Variants in NAALADL2 observed in about 807,000 individuals in gnomAD.
NAALADL2 encodes the protein N-acetylated alpha-linked acidic dipeptidase like 2.
A neutral mutation model predicts 87.2 loss-of-function variants in NAALADL2; 76 were observed. The observed-to-expected ratio is 0.87, with a 90% CI of 0.72 to 1.05. The LOEUF is 1.05. Ranked by LOEUF, NAALADL2 falls within the 50% of genes least tolerant of loss-of-function variation. The pLI is 0.00. For missense variants in NAALADL2, 1,089 were observed against 945.8 expected (o/e 1.15, Z -1.99); for synonymous variants, 354 against 331.0 (o/e 1.07, Z -0.75).
chr3:174,583,833 C>G (rs9856191), intron 2 of NAALADL2, among the ~76,000 whole-genome samples: 66,211 of 151,872 alleles, frequency 0.44, 15,362 homozygotes, highest in East Asian at 0.81. Context: ...TTACAAAAAG[C>G]GGAATAATTT....
At chr3:175,531,158 C>T (rs1437642066) in intron 9 of NAALADL2, among the ~76,000 whole-genome samples, 4 of 152,104 alleles carry the variant, frequency 2.6e-5, no homozygotes, top group Non-Finnish European at 5.9e-5. Flanking sequence ...TTCTCCTGTT[C>T]TGGACCACAC....
At chr3:174,542,930 G>A (rs1722372539) in intron 1 of NAALADL2, among the ~76,000 whole-genome samples, 1 of 152,186 alleles carries the variant, frequency 6.6e-6, no homozygotes, top group African/African-American at 2.4e-5. Context: ...TTCAGAGAGG[G>A]CATTTTAGAG....
chr3:174,919,474 T>C (rs1050354571), intron 1 of NAALADL2, among the ~76,000 whole-genome samples: 7 of 152,186 alleles, frequency 4.6e-5, no homozygotes, highest in Non-Finnish European at 8.8e-5. Context: ...CATCCATAAA[T>C]AACAACTTCT....
intron 1 of NAALADL2, among the ~76,000 whole-genome samples, chr3:174,526,243 A>G (rs768959182): frequency 1.3e-5 from 2 of 152,164 alleles, no homozygotes; most frequent in African/African-American, 2.4e-5. Context: ...AGTGTAGGGC[A>G]TACTGGCAAT....
chr3:174,885,447 G>T (rs1031234536), intron 1 of NAALADL2, among the ~76,000 whole-genome samples: 2 of 152,058 alleles, frequency 1.3e-5, no homozygotes, highest in African/African-American at 4.8e-5. Context: ...ATGTTCCTTG[G>T]TTCTCCACAT....
intron 1 of NAALADL2, among the ~76,000 whole-genome samples, chr3:174,545,334 T>G (rs1284120608): frequency 6.6e-6 from 1 of 152,234 alleles, no homozygotes; most frequent in Non-Finnish European, 1.5e-5. Context: ...ACTGTCGTCC[T>G]GGAACTTTTC....
At chr3:175,573,083 T>TA (rs1553924637) in intron 9 of NAALADL2, among the ~76,000 whole-genome samples, 2 of 152,176 alleles carry the variant, frequency 1.3e-5, no homozygotes, top group Admixed American at 6.5e-5. Flanking sequence ...GTTTATTTTT[T>TA]AAAAAATAAT....
At chr3:174,728,242 G>A (rs894351055) in intron 2 of NAALADL2, among the ~76,000 whole-genome samples, 10 of 152,004 alleles carry the variant, frequency 6.6e-5, no homozygotes, top group Non-Finnish European at 1.0e-4. Context: ...CAAGGAGCAT[G>A]ATTTCTGGAT....
intron 3 of NAALADL2, among the ~76,000 whole-genome samples, chr3:174,842,329 G>A (rs1471831797): frequency 6.6e-6 from 1 of 152,086 alleles, no homozygotes; most frequent in African/African-American, 2.4e-5. Flanking sequence ...GAGATTATAG[G>A]TGTGAGCCAC....
intron 2 of NAALADL2, among the ~76,000 whole-genome samples, chr3:175,144,066 G>T (rs577001077): frequency 1.3e-5 from 2 of 151,798 alleles, no homozygotes; most frequent in Non-Finnish European, 2.9e-5. Flanking sequence ...TAATTTAAAA[G>T]AATAATAAAA....
At chr3:174,566,557 T>A (rs1714290553) in intron 2 of NAALADL2, among the ~76,000 whole-genome samples, 2 of 151,778 alleles carry the variant, frequency 1.3e-5, no homozygotes, top group South Asian at 4.1e-4. Context: ...ATAGACTGTT[T>A]TTCCTTTTTT....
chr3:175,051,961 A>T (rs1580201080), intron 1 of NAALADL2, among the ~76,000 whole-genome samples: 1 of 152,120 alleles, frequency 6.6e-6, no homozygotes, highest in South Asian at 2.1e-4. Flanking sequence ...GGAATTAAAG[A>T]CACACACACA....
Position 175,020,109 on chromosome 3 carries a change from A to G in NAALADL2, c.44-76681A>G, listed in dbSNP as rs566391058. On this transcript the variant is annotated intron_variant, in intron 1 of 13. Coordinates refer to ENST00000454872, the MANE Select transcript of NAALADL2 (RefSeq NM_207015.3). ...GAAATCCACAGATTCTGTTGGGGAC[A>G]TGCAGAGCATTTAGTGTTCAGGGAC... is the stretch of plus-strand genomic sequence containing the variant. 2.4e-3 allele frequency among the ~76,000 whole-genome samples: 360 copies of G among 152,208 alleles called. 1 individual carries two copies. Among genetic ancestry groups the G allele is most frequent in the Non-Finnish European group, 3.7e-3 (251 of 67,982 alleles).
In NAALADL2 at chr3:175,467,147, C is replaced by G. The variant is rs542192876; in HGVS notation, c.1496C>G (p.Thr499Arg). 2.5e-6 allele frequency: 4 copies of G among 1,613,804 alleles called. No individual in the cohort carries two copies. The highest frequency in any genetic ancestry group is 2.7e-5 in the African/African-American group (2 of 75,014). The part of the protein sequence containing the change: ...RTIVFCSWGG[T>R]AFGNIGSYEW... Reference sequence around the variant, plus strand: ...ATTGTTTTCTGTTCTTGGGGAGGAACAGCTTTTGGCAATATTGGCTCATAT... The same window carrying G: ...ATTGTTTTCTGTTCTTGGGGAGGAAGAGCTTTTGGCAATATTGGCTCATAT... The change falls in exon 8 of 14, where the codon ACA becomes AGA. Residue 499 changes from threonine (T) to arginine (R), a missense_variant. Thr to Arg is a moderately conservative substitution (Grantham distance 71). Transcript: ENST00000454872.
At chr3:175,150,131 GAGATT>G (rs1363571329) in intron 2 of NAALADL2, among the ~76,000 whole-genome samples, 7 of 152,156 alleles carry the variant, frequency 4.6e-5, no homozygotes. Context: ...TATACATCGT[GAGATT>G]AAGAATCTTT....
chr3:175,264,560 T>G (rs1007873747), intron 4 of NAALADL2, among the ~76,000 whole-genome samples: 1 of 151,792 alleles, frequency 6.6e-6, no homozygotes, highest in Admixed American at 6.6e-5. Context: ...GTTGGTGCTT[T>G]GTAGCGTAAT....
intron 1 of NAALADL2, among the ~76,000 whole-genome samples, chr3:174,987,515 G>C (rs1277235051): frequency 8.4e-6 from 1 of 118,964 alleles, no homozygotes; most frequent in Non-Finnish European, 1.6e-5. Context: ...CTTGCAGTGA[G>C]CCGAGATTGC....
chr3:175,159,360 T>C (rs1732788350), intron 2 of NAALADL2, among the ~76,000 whole-genome samples: 1 of 152,160 alleles, frequency 6.6e-6, no homozygotes, highest in African/African-American at 2.4e-5. Flanking sequence ...ATTTGAGTAG[T>C]GTGTGTGTCT....
At chr3:175,687,116 A>C (rs1736399966) in intron 11 of NAALADL2, among the ~76,000 whole-genome samples, 1 of 152,188 alleles carries the variant, frequency 6.6e-6, no homozygotes, top group African/African-American at 2.4e-5. Context: ...AAGCTATTAT[A>C]AATTCCTAAA....
Sources: gnomAD v4.1 joint callset for allele counts (sites outside exome capture counted in the v4.1 genomes callset) on GRCh38, gnomAD v4.1.1 for gene constraint, MANE v1.5 for transcripts, NCBI Gene and HGNC (gene_info 2026-07-23, HGNC 2026-07-21) for gene names.